Variants in GLIS3 observed in about 807,000 individuals in gnomAD.
GLIS3 encodes the protein zinc finger protein GLIS3.
In GLIS3, 53 loss-of-function variants were observed where a neutral mutation model predicts 78.6. The ratio of observed to expected loss-of-function variants is 0.67; its 90% CI spans 0.54 to 0.85. The LOEUF (loss-of-function observed/expected upper bound fraction) is 0.85, where lower values mean the gene tolerates loss of function less well. Ranked by LOEUF, GLIS3 falls within the 40% of genes least tolerant of loss-of-function variation. The pLI is 0.00. For synonymous variants in GLIS3, 684 were observed against 509.9 expected (o/e 1.34, Z -4.60); for missense variants, 1,703 against 1,231.1 (o/e 1.38, Z -5.74).
chr9:4,428,257 T>A, the GLIS3 span, among the ~76,000 whole-genome samples: 1 of 151,618 alleles, frequency 6.6e-6, no homozygotes, highest in East Asian at 1.9e-4. Context: ...GGCGGGCGGA[T>A]CACTTGAGGC....
At chr9:4,309,144 G>A (rs1443915009) in intron 3 of GLIS3, among the ~76,000 whole-genome samples, 1 of 152,116 alleles carries the variant, frequency 6.6e-6, no homozygotes, top group African/African-American at 2.4e-5. Flanking sequence ...ACTCTATCTT[G>A]TCAAGCTGTT....
chr9:3,838,289 C>G (rs1818483171), intron 9 of GLIS3, among the ~76,000 whole-genome samples: 1 of 152,052 alleles, frequency 6.6e-6, no homozygotes, highest in African/African-American at 2.4e-5. Flanking sequence ...TAAAATACAG[C>G]CCTTTTACTG....
At chr9:4,132,045 T>G (rs111814934) in intron 2 of GLIS3, among the ~76,000 whole-genome samples, 1 of 151,144 alleles carries the variant, frequency 6.6e-6, no homozygotes, top group South Asian at 2.1e-4. Context: ...GGCCAATGTT[T>G]TTTTTAAAAA....
chr9:4,179,767 G>A (rs892553256), intron 2 of GLIS3, among the ~76,000 whole-genome samples: 6 of 151,932 alleles, frequency 3.9e-5, no homozygotes, highest in East Asian at 3.9e-4. Context: ...AAAATTAGCC[G>A]GGTTTGGTGG....
chr9:4,371,129 A>T, the GLIS3 span, among the ~76,000 whole-genome samples: 2 of 152,206 alleles, frequency 1.3e-5, no homozygotes, highest in African/African-American at 4.8e-5. Context: ...GGTTCTTTTT[A>T]AAAATGCATG....
chr9:4,239,519 G>A (rs992034511), intron 2 of GLIS3, among the ~76,000 whole-genome samples: 20 of 152,252 alleles, frequency 1.3e-4, no homozygotes, highest in African/African-American at 4.8e-4. Flanking sequence ...GAAAACATTT[G>A]TGACAACCAT....
At chr9:4,313,197 G>A (rs1472679758) in intron 2 of GLIS3, among the ~76,000 whole-genome samples, 2 of 152,210 alleles carry the variant, frequency 1.3e-5, no homozygotes, top group African/African-American at 2.4e-5. Flanking sequence ...AGGTGTAGCT[G>A]TCATCAAACT....
At chr9:4,206,596 T>A (rs1313890638) in intron 2 of GLIS3, among the ~76,000 whole-genome samples, 4 of 152,322 alleles carry the variant, frequency 2.6e-5, no homozygotes, top group African/African-American at 9.6e-5. Flanking sequence ...GAGAATACTT[T>A]ATAATCTCTC....
At chr9:4,037,983 A>G (rs916319850) in intron 4 of GLIS3, among the ~76,000 whole-genome samples, 1 of 152,178 alleles carries the variant, frequency 6.6e-6, no homozygotes, top group Non-Finnish European at 1.5e-5. Flanking sequence ...ATTGGATAAA[A>G]TGTTTTACAA....
intron 2 of GLIS3, among the ~76,000 whole-genome samples, chr9:4,171,600 G>C (rs1564147451): frequency 6.6e-6 from 1 of 152,176 alleles, no homozygotes; most frequent in African/African-American, 2.4e-5. Flanking sequence ...TCTGAGGGGA[G>C]AACTGCTTAC....
chr9:4,188,590 C>T (rs1023317094), intron 2 of GLIS3, among the ~76,000 whole-genome samples: 12 of 152,186 alleles, frequency 7.9e-5, no homozygotes, highest in Middle Eastern at 3.4e-3. Context: ...CCTCCTTGTA[C>T]CTCTGGTAGA....
intron 8 of GLIS3, among the ~76,000 whole-genome samples, chr9:3,856,523 A>AG (rs1269603308): frequency 1.3e-5 from 2 of 152,156 alleles, no homozygotes; most frequent in East Asian, 3.8e-4. Context: ...TTTTTCTGCT[A>AG]ATTTTTAAAA....
At chr9:4,446,290 G>A in the GLIS3 span, among the ~76,000 whole-genome samples, 1 of 152,150 alleles carries the variant, frequency 6.6e-6, no homozygotes, top group Non-Finnish European at 1.5e-5. Context: ...GGGTACCCTT[G>A]ACTGCTTCCA....
intron 4 of GLIS3, among the ~76,000 whole-genome samples, chr9:3,942,278 G>A (rs1815982585): frequency 6.6e-6 from 1 of 152,148 alleles, no homozygotes; most frequent in Admixed American, 6.5e-5. Context: ...GTGACCCTGG[G>A]AGGTACACAC....
chr9:4,469,612 G>T, the GLIS3 span, among the ~76,000 whole-genome samples: 6 of 152,286 alleles, frequency 3.9e-5, no homozygotes, highest in African/African-American at 1.2e-4. Context: ...CAACATACCA[G>T]AATCTCTGAG....
chr9:4,356,218 G>A, the GLIS3 span, among the ~76,000 whole-genome samples: 4 of 152,068 alleles, frequency 2.6e-5, no homozygotes, highest in South Asian at 2.1e-4. Flanking sequence ...CATTTCAGTC[G>A]CTATTGTATT....
chr9:4,306,133 G>A (rs1817221925), intron 4 of GLIS3: 1 of 152,058 alleles, frequency 6.6e-6, no homozygotes, highest in South Asian at 2.1e-4. Flanking sequence ...AAACTGTAAT[G>A]CAGTGGTGTG....
intron 4 of GLIS3, among the ~76,000 whole-genome samples, chr9:4,054,767 GTC>G (rs1244566263): frequency 1.3e-5 from 2 of 151,884 alleles, no homozygotes; most frequent in African/African-American, 4.8e-5. Context: ...TCATTTTATG[GTC>G]TCTCTCTGTG....
chr9:3,941,474 T>C (rs1480116949), intron 4 of GLIS3, among the ~76,000 whole-genome samples: 2 of 152,230 alleles, frequency 1.3e-5, no homozygotes, highest in African/African-American at 4.8e-5. Flanking sequence ...TGCGCTGCAC[T>C]TTAATCTGCC....
Sources: gnomAD v4.1 joint callset for allele counts (sites outside exome capture counted in the v4.1 genomes callset) on GRCh38, gnomAD v4.1.1 for gene constraint, MANE v1.5 for transcripts, NCBI Gene and HGNC (gene_info 2026-07-23, HGNC 2026-07-21) for gene names.